The following CFAP44 variants were observed in gnomAD, a reference collection of about 807,000 sequenced individuals.
CFAP44 encodes cilia- and flagella-associated protein 44.
Under a neutral mutation model 216.2 loss-of-function variants are expected in CFAP44, and 134 were observed. That is an observed-to-expected ratio of 0.62 (90% CI 0.54 to 0.72). The LOEUF is 0.72. Among genes scored for constraint, CFAP44 ranks in the 30% least tolerant of loss-of-function variants. CFAP44 has a pLI of 0.00. For missense variants in CFAP44, 2,035 were observed against 2,182.1 expected (o/e 0.93, Z 1.34); for synonymous variants, 700 against 727.6 (o/e 0.96, Z 0.61).
chr3:113,396,956 G>A (rs1934009055), intron 13 of CFAP44, among the ~76,000 whole-genome samples: 1 of 152,330 alleles, frequency 6.6e-6, no homozygotes, highest in Non-Finnish European at 1.5e-5. Context: ...AAACAGCAGA[G>A]TGTCTGCCTA....
chr3:113,396,073 T>C (rs1309920998), intron 14 of CFAP44, among the ~76,000 whole-genome samples: 1 of 152,168 alleles, frequency 6.6e-6, no homozygotes, highest in Non-Finnish European at 1.5e-5. Context: ...GTTCTGAAAA[T>C]ATGATCACCA....
At chr3:113,440,824 T>C (rs921937838) in intron 1 of CFAP44, among the ~76,000 whole-genome samples, 3 of 152,126 alleles carry the variant, frequency 2.0e-5, no homozygotes, top group African/African-American at 2.4e-5. Flanking sequence ...CCTCTCTCTC[T>C]CCCTAGCCTC....
chr3:113,345,426 G>A (rs1950372112), intron 22 of CFAP44, among the ~76,000 whole-genome samples: 1 of 152,016 alleles, frequency 6.6e-6, no homozygotes, highest in South Asian at 2.1e-4. Context: ...CATACATGTG[G>A]CAATGCAATT....
At chr3:113,374,440 A>C (rs1933272593) in intron 17 of CFAP44, among the ~76,000 whole-genome samples, 1 of 151,520 alleles carries the variant, frequency 6.6e-6, no homozygotes, top group Non-Finnish European at 1.5e-5. Context: ...GCACACGTGC[A>C]GGTTTGTTAC....
intron 28 of CFAP44, among the ~76,000 whole-genome samples, chr3:113,312,790 T>C (rs894722518): frequency 1.3e-5 from 2 of 152,156 alleles, no homozygotes; most frequent in African/African-American, 4.8e-5. Context: ...GCCTCATGCC[T>C]TGGCAGTTTC....
rs1949794353 is a variant in CFAP44, at chr3:113,288,280, C to G, written c.*3277G>C. The G allele has an allele frequency of 3.9e-5, 6 of 152,182 alleles. No homozygotes were observed. The allele number at this position is 152,182 out of a possible 1,614,324, so 9.4% of individuals were successfully genotyped here. A position where few individuals can be genotyped will look rare whatever the true frequency, so the allele number is the denominator to read the frequency against. ...CTGGCCAAAATAAGTATAGCACCTGCTATTCCTGACTTCTGCATCCTTTTT... is the reference window on the plus strand; with the variant it reads ...CTGGCCAAAATAAGTATAGCACCTGGTATTCCTGACTTCTGCATCCTTTTT... On this transcript the variant is annotated 3_prime_UTR_variant, in exon 35 of 35. Transcript: ENST00000393845.
chr3:113,342,928 G>A (rs1014402700), intron 23 of CFAP44, among the ~76,000 whole-genome samples: 10 of 151,586 alleles, frequency 6.6e-5, no homozygotes, highest in African/African-American at 2.4e-4. Flanking sequence ...AGGTTGCAGT[G>A]AGCCTAGATT....
At chr3:113,357,849 C>T (rs1950505002) in intron 22 of CFAP44, among the ~76,000 whole-genome samples, 2 of 152,088 alleles carry the variant, frequency 1.3e-5, no homozygotes, top group Non-Finnish European at 2.9e-5. Flanking sequence ...GAGTATATAA[C>T]CAACAGAAAT....
At chr3:113,353,458 AC>A (rs1950464346) in intron 22 of CFAP44, among the ~76,000 whole-genome samples, 2 of 48,650 alleles carry the variant, frequency 4.1e-5, no homozygotes, top group African/African-American at 1.3e-4. Flanking sequence ...ATGAATACAC[AC>A]ACACACACAC....
At chr3:113,299,563 T>C (rs1949914945) in intron 32 of CFAP44, among the ~76,000 whole-genome samples, 1 of 152,140 alleles carries the variant, frequency 6.6e-6, no homozygotes, top group Non-Finnish European at 1.5e-5. Flanking sequence ...CACTGCTAGA[T>C]AAATACCCAA....
At chr3:113,383,011 G>C (rs1933554376) in intron 15 of CFAP44, among the ~76,000 whole-genome samples, 1 of 152,228 alleles carries the variant, frequency 6.6e-6, no homozygotes, top group Non-Finnish European at 1.5e-5. Context: ...AAATTATAGA[G>C]GAGCTAATCT....
At position 113,373,479 on chromosome 3, in the gene CFAP44, T is replaced by G; in HGVS notation, c.2376A>C (p.Lys792Asn). The change falls in exon 18 of 35, where the codon AAA (lysine) becomes AAC (asparagine). Residue 792 changes from lysine to asparagine, a missense_variant. Physicochemically the swap from Lys to Asn is moderately conservative, Grantham distance 94 (BLOSUM62 0). This residue lies in a region of CFAP44 where 1,883 missense variants were observed against 2,023.7 expected (regional missense o/e 0.93). Coordinates refer to ENST00000393845, the MANE Select transcript of CFAP44 (RefSeq NM_001164496.2). ...GATAACGGACATCAATAGGTTCATC[T>G]TTTTGTTCTTTGAAATCACTGCTTT... ...CDESSDFKEQKDEPIDVRYLA... is the reference protein window; with the variant it reads ...CDESSDFKEQNDEPIDVRYLA... 1 of 1,610,048 alleles carries G rather than the reference T, an allele frequency of 6.2e-7. No homozygotes were observed. Among genetic ancestry groups the G allele is most frequent in the Non-Finnish European group, 8.5e-7 (1 of 1,177,772 alleles).
chr3:113,313,230 T>C (rs1410679567), intron 28 of CFAP44, among the ~76,000 whole-genome samples: 1 of 152,142 alleles, frequency 6.6e-6, no homozygotes, highest in African/African-American at 2.4e-5. Flanking sequence ...GGAGATCATT[T>C]TGGAGCTTTA....
At chr3:113,310,564 A>G (rs1268601481) in intron 28 of CFAP44, among the ~76,000 whole-genome samples, 1 of 152,260 alleles carries the variant, frequency 6.6e-6, no homozygotes, top group Admixed American at 6.5e-5. Context: ...ATACAACATG[A>G]AAGTTTTTAG....
At chr3:113,366,365 T>C in intron 18 of CFAP44, 56 bp from the exon 19 acceptor site, 2 of 1,555,214 alleles carry the variant, frequency 1.3e-6, no homozygotes, top group South Asian at 1.2e-5. Flanking sequence ...TAATGCTTAA[T>C]TTCAACTTAA....
rs1559943098 is a variant in CFAP44 at position 113,418,057 on chromosome 3, A to ATTTATTT, written c.571-1431_571-1430insAAATAAA. 4.5e-3 allele frequency among the ~76,000 whole-genome samples: 676 copies of ATTTATTT among 148,952 alleles called. 5 individuals carry two copies. The highest frequency in any genetic ancestry group is 0.016 in the African/African-American group (654 of 40,382). On this transcript the variant is annotated intron_variant, in intron 5 of 34. Transcript: ENST00000393845. ...TTTATTTAATTATTTATTGAGACAC[A>ATTTATTT]ATTTATTTATTTATTTATTTATTTA...
chr3:113,437,738 G>A (rs1245088492), intron 1 of CFAP44, among the ~76,000 whole-genome samples: 1 of 152,184 alleles, frequency 6.6e-6, no homozygotes, highest in African/African-American at 2.4e-5. Flanking sequence ...TGTTCTCCTG[G>A]AGATTATCAG....
intron 9 of CFAP44, 77 bp downstream of exon 9, chr3:113,403,775 T>A (rs1348909686): frequency 6.8e-7 from 1 of 1,466,880 alleles, no homozygotes; most frequent in East Asian, 2.4e-5. Context: ...AAATAACCTT[T>A]ATGAGAAATA....
rs556228846 is a variant in CFAP44, at chr3:113,361,279, T to G, written c.2934+1866A>C. On this transcript the variant is annotated intron_variant, in intron 21 of 34. Coordinates refer to ENST00000393845, the MANE Select transcript of CFAP44 (RefSeq NM_001164496.2). ...CCTACTTTTGGCATGCCTGAAGAAG[T>G]GCTTCAGAGGGTGAATATTCAGCCT... is the stretch of plus-strand genomic sequence containing the variant. 23 of 220,234 alleles carry G rather than the reference T, an allele frequency of 1.0e-4. No individual in the cohort carries two copies. In the East Asian group the frequency reaches 2.3e-3, roughly 22 times the overall value. 13.6% of individuals were successfully genotyped at this position (220,234 alleles called of 1,614,324 possible).
Sources: allele counts gnomAD v4.1 joint callset (sites outside exome capture counted in the v4.1 genomes callset), GRCh38; gene constraint gnomAD v4.1.1; regional missense constraint gnomAD v4.1.1; transcripts MANE v1.5; gene names NCBI Gene and HGNC (gene_info 2026-07-23, HGNC 2026-07-21).